The following SMAD6 variants were observed in gnomAD, a reference collection of about 807,000 sequenced individuals.
SMAD6 encodes SMAD family member 6.
In SMAD6, 103 loss-of-function variants were observed where a neutral mutation model predicts 39.4. That is an observed-to-expected ratio of 2.62 (90% CI 2.23 to 3.08). The LOEUF (loss-of-function observed/expected upper bound fraction) is 3.08. Ranked by LOEUF, SMAD6 falls within the 30% of genes most tolerant of loss-of-function variation. The pLI, the probability that SMAD6 is intolerant of heterozygous loss-of-function variation, is 0.00. For synonymous variants in SMAD6, 445 were observed against 353.3 expected, an observed-to-expected ratio of 1.26 and a Z score of -2.91; for missense variants, 1,104 against 742.9, an observed-to-expected ratio of 1.49 and a Z score of -5.65.
At chr15:66,719,835 A>G (rs1275980689) in intron 3 of SMAD6, among the ~76,000 whole-genome samples, 1 of 152,092 alleles carries the variant, frequency 6.6e-6, no homozygotes, top group Non-Finnish European at 1.5e-5. Context: ...TGATCTCTAC[A>G]TCAGCTCCCA....
intron 3 of SMAD6, among the ~76,000 whole-genome samples, chr15:66,739,837 G>A (rs932940991): frequency 1.3e-5 from 2 of 152,060 alleles, no homozygotes; most frequent in African/African-American, 4.8e-5. Context: ...GATGGGCCTC[G>A]CTTTGTTGCC....
At position 66,702,296 on chromosome 15, in the gene SMAD6, TGAG is replaced by T. The variant is rs1215603939; in HGVS notation, c.-959_-957del. The T allele has an allele frequency of 6.6e-6, 1 of 151,870 alleles. No individual in the cohort carries two copies. The highest frequency in any genetic ancestry group is 1.5e-5 in the Non-Finnish European group (1 of 68,022). The allele number at this position is 151,870 out of a possible 1,614,324, so 9.4% of individuals were successfully genotyped here. ...CCTCCGGGGGCCCTCAGTGTGCGTT[TGAG>T]GAGAACAAAAAAGAGAGAGAGAGCC... On this transcript the variant is annotated 5_prime_UTR_variant, in exon 1 of 4. Coordinates refer to ENST00000288840, the MANE Select transcript of SMAD6 (RefSeq NM_005585.5).
chr15:66,715,289 G>GAAAAAAAAAAAAAAA (rs199551873), intron 2 of SMAD6, among the ~76,000 whole-genome samples: 1 of 135,250 alleles, frequency 7.4e-6, no homozygotes. Flanking sequence ...AACGAGAGAG[G>GAAAAAAAAAAAAAAA]AAAAAAAAAA....
At chr15:66,723,094 T>C (rs1051007705) in intron 3 of SMAD6, among the ~76,000 whole-genome samples, 5 of 152,220 alleles carry the variant, frequency 3.3e-5, no homozygotes, top group African/African-American at 1.2e-4. Context: ...AGCTAGGGCT[T>C]CTCTCCTGGG....
intron 2 of SMAD6, among the ~76,000 whole-genome samples, chr15:66,715,841 T>C (rs1476107120): frequency 2.1e-5 from 3 of 146,108 alleles, no homozygotes; most frequent in Non-Finnish European, 4.5e-5. Context: ...CAGGTTTGGA[T>C]GTTAGGGAGT....
chr15:66,739,127 G>C lies in SMAD6; in HGVS notation c.952+22629G>C, dbSNP rs1409319541. Among the ~76,000 whole-genome samples the C allele has an allele frequency of 2.8e-5, 4 of 140,482 alleles. No individual in the cohort carries two copies. The South Asian group carries it at 8.9e-4, about 31-fold the overall frequency. The allele number at this position is 140,482 out of a possible 152,430, so 92.2% of individuals were successfully genotyped here. A position where few individuals can be genotyped will look rare whatever the true frequency, so the allele number is the denominator to read the frequency against. ...TTTTATTGAGACGGAGTCTTGCCCT[G>C]TCACCCAGGCTGGAGTGCAATAGTG... is the stretch of plus-strand genomic sequence containing the variant. On this transcript the variant is annotated intron_variant, in intron 3 of 3. Transcript: ENST00000288840.
At chr15:66,735,192 G>A (rs1244925047) in intron 3 of SMAD6, among the ~76,000 whole-genome samples, 1 of 152,238 alleles carries the variant, frequency 6.6e-6, no homozygotes, top group Non-Finnish European at 1.5e-5. Context: ...ACCATGGCCT[G>A]CTGGCCACCA....
At chr15:66,768,757 G>T (rs1441859237) in intron 3 of SMAD6, among the ~76,000 whole-genome samples, 1 of 152,148 alleles carries the variant, frequency 6.6e-6, no homozygotes, top group Non-Finnish European at 1.5e-5. Context: ...CCTGGGGCTG[G>T]GTTTGAAAGG....
At position 66,741,367 on chromosome 15, in the gene SMAD6, G is replaced by C. The variant is rs78138938; in HGVS notation, c.952+24869G>C. ...TCCATCACGTTTGAGGTGGATTGCC[G>C]AGGGGCTTCGCCTCTGTAGCAGACC... On this transcript the variant is annotated intron_variant, in intron 3 of 3. Coordinates refer to ENST00000288840, the MANE Select transcript of SMAD6 (RefSeq NM_005585.5). Among the ~76,000 whole-genome samples, 1,300 of 152,276 alleles carry C rather than the reference G, an allele frequency of 8.5e-3. 22 individuals carry two copies. The highest frequency in any genetic ancestry group is 0.03 in the African/African-American group (1,260 of 41,536).
At chr15:66,708,222 A>C (rs1007119017) in intron 1 of SMAD6, 1 of 153,534 alleles carries the variant, frequency 6.5e-6, no homozygotes, top group African/African-American at 2.4e-5. Context: ...TCTCCTGTTA[A>C]AGTTTAGAGC....
intron 3 of SMAD6, among the ~76,000 whole-genome samples, chr15:66,757,538 G>T (rs902354871): frequency 2.6e-5 from 4 of 152,214 alleles, no homozygotes; most frequent in Non-Finnish European, 5.9e-5. Flanking sequence ...TGTCCAGCAG[G>T]ACCCTCAGGC....
intron 3 of SMAD6, among the ~76,000 whole-genome samples, chr15:66,777,492 T>G (rs1000539875): frequency 6.6e-6 from 1 of 152,200 alleles, no homozygotes; most frequent in Non-Finnish European, 1.5e-5. Context: ...ACAAAAAAGC[T>G]TTTGAAAATT....
chr15:66,745,170 T>G (rs1567105712), intron 3 of SMAD6, among the ~76,000 whole-genome samples: 2 of 152,162 alleles, frequency 1.3e-5, no homozygotes, highest in Non-Finnish European at 2.9e-5. Flanking sequence ...GATCCAACTC[T>G]TCCCTGGCTG....
chr15:66,722,360 A>G (rs373395571), intron 3 of SMAD6, among the ~76,000 whole-genome samples: 1 of 152,176 alleles, frequency 6.6e-6, no homozygotes, highest in East Asian at 1.9e-4. Flanking sequence ...CATTTCATTG[A>G]GTTTTGGAGA....
rs1455257908 is a variant in SMAD6 at position 66,781,645 on chromosome 15, A to G, written c.*110A>G. On this transcript the variant is annotated 3_prime_UTR_variant, in exon 4 of 4. Coordinates refer to ENST00000288840, the MANE Select transcript of SMAD6 (RefSeq NM_005585.5). ...AGCCCCCACGGACAAAACCCCCCAG[A>G]TATCATCTACCTAGATTTAATATAA... 9.6e-6 allele frequency: 6 copies of G among 622,186 alleles called. No homozygotes were observed. The highest frequency in any genetic ancestry group is 1.3e-5 in the Non-Finnish European group (5 of 384,668). The allele number at this position is 622,186 out of a possible 1,614,324, so 38.5% of individuals were successfully genotyped here.
Position 66,781,523 on chromosome 15 carries a change from C to A in SMAD6, c.1479C>A (p.Asn493Lys). 6.5e-7 allele frequency: 1 copy of A among 1,548,314 alleles called. No homozygotes were observed. ...CCTGCTGGCTGGAGATCCTCCTCAA[C>A]AACCCCAGATAGTGGCGGCCCCGGC... is the stretch of plus-strand genomic sequence containing the variant. ...SCPCWLEILL[N>K]NPR The change falls in exon 4 of 4, where the codon AAC becomes AAA. Residue 493 changes from asparagine (N) to lysine (K), a missense_variant. Transcript: ENST00000288840.
rs141842525 is a variant in SMAD6, at chr15:66,727,561, A to C, written c.952+11063A>C. ...GGCAAAGGCAGGAAGATGTGAGGAC[A>C]CTTGTTCTGGGAATGGGGAGTGATT... On this transcript the variant is annotated intron_variant, in intron 3 of 3. Coordinates refer to ENST00000288840, the MANE Select transcript of SMAD6 (RefSeq NM_005585.5). Among the ~76,000 whole-genome samples, 171 of 152,220 alleles carry C rather than the reference A, an allele frequency of 1.1e-3. 1 individual carries two copies. The highest frequency in any genetic ancestry group is 6.8e-3 in the Middle Eastern group (2 of 294).
Position 66,703,753 on chromosome 15 carries a change from G to T in SMAD6, c.495G>T (p.Leu165=). Residue 165 remains leucine, a synonymous_variant, in exon 1 of 4, where the codon CTG becomes CTT. Transcript: ENST00000288840. ...GGRSREARSR[L]LLLEQELKTV... Reference sequence around the variant, plus strand: ...GGAGTCGCGAAGCGCGCTCGCGGCTGCTGCTGCTGGAGCAGGAACTCAAAA... The same window carrying T: ...GGAGTCGCGAAGCGCGCTCGCGGCTTCTGCTGCTGGAGCAGGAACTCAAAA... The T allele has an allele frequency of 7.2e-7, 1 of 1,398,512 alleles. No individual in the cohort carries two copies. 86.6% of individuals were successfully genotyped at this position (1,398,512 alleles called of 1,614,324 possible).
intron 3 of SMAD6, among the ~76,000 whole-genome samples, chr15:66,732,865 A>G (rs1397230520): frequency 1.3e-5 from 2 of 151,984 alleles, no homozygotes; most frequent in East Asian, 3.9e-4. Flanking sequence ...CATGCTTTTT[A>G]TGTCAGTTAT....
Sources: gnomAD v4.1 joint callset for allele counts (sites outside exome capture counted in the v4.1 genomes callset) on GRCh38, gnomAD v4.1.1 for gene constraint, MANE v1.5 for transcripts, NCBI Gene and HGNC (gene_info 2026-07-23, HGNC 2026-07-21) for gene names.